FBXO11: variants seen among roughly 807,000 people sequenced by gnomAD.
FBXO11 encodes the protein F-box protein 11, also known as F-box only protein 11.
FBXO11 carries 13 observed loss-of-function variants against 117.0 expected under a neutral mutation model. The ratio of observed to expected loss-of-function variants is 0.11; its 90% CI spans 0.07 to 0.18. The LOEUF is 0.18. Ranked by LOEUF, FBXO11 falls within the 10% of genes least tolerant of loss-of-function variation. The pLI is 1.00. For synonymous variants in FBXO11, 490 were observed against 380.5 expected (o/e 1.29, Z -3.35); for missense variants, 767 against 1,164.4 (o/e 0.66, Z 4.97).
intron 1 of FBXO11, among the ~76,000 whole-genome samples, chr2:47,840,022 C>A (rs1234040976): frequency 6.6e-6 from 1 of 152,022 alleles, no homozygotes; most frequent in Admixed American, 6.5e-5. Flanking sequence ...CGGCTCACTG[C>A]AAGCTCCGCC....
At chr2:47,898,060 T>C (rs1425831333) in intron 1 of FBXO11, among the ~76,000 whole-genome samples, 3 of 152,192 alleles carry the variant, frequency 2.0e-5, no homozygotes, top group Non-Finnish European at 4.4e-5. Flanking sequence ...TGATCTTCAT[T>C]TGTTAAAAAG....
chr2:47,859,767 C>A (rs951130278), intron 1 of FBXO11, among the ~76,000 whole-genome samples: 1 of 152,042 alleles, frequency 6.6e-6, no homozygotes, highest in Admixed American at 6.6e-5. Context: ...TCTTTTAAGA[C>A]AAGGATATTC....
chr2:47,851,251 G>C (rs1394510992), intron 1 of FBXO11, among the ~76,000 whole-genome samples: 1 of 152,086 alleles, frequency 6.6e-6, no homozygotes, highest in East Asian at 1.9e-4. Context: ...TTTTGAGACA[G>C]AGTCTCATTC....
chr2:47,819,066 G>C lies in FBXO11; in HGVS notation c.1810C>G (p.Gln604Glu). 1 of 1,612,518 alleles carries C rather than the reference G, an allele frequency of 6.2e-7. No individual in the cohort carries two copies. The highest frequency in any genetic ancestry group is 8.5e-7 in the Non-Finnish European group (1 of 1,179,420). ...ACTTCATTCTCTTCTATTACTCCTTGTCCCTTTTCATGCTAAATGAAAGTT... is the reference window on the plus strand; with the variant it reads ...ACTTCATTCTCTTCTATTACTCCTTCTCCCTTTTCATGCTAAATGAAAGTT... ...HGGIYVHEKG[Q>E]GVIEENEVYS... Residue 604 changes from glutamine (Q) to glutamate (E), a missense_variant, in exon 15 of 23, where the codon CAA (glutamine) becomes GAA (glutamate). Gln to Glu is a conservative substitution (Grantham distance 29). Coordinates refer to ENST00000403359, the MANE Select transcript of FBXO11 (RefSeq NM_001190274.2).
At chr2:47,902,810 G>A (rs143843695) in intron 1 of FBXO11, among the ~76,000 whole-genome samples, 2 of 151,572 alleles carry the variant, frequency 1.3e-5, no homozygotes, top group East Asian at 1.9e-4. Flanking sequence ...TCAAAACAGC[G>A]AGTCTCACTT....
At chr2:47,813,695 A>G (rs1344403931) in intron 17 of FBXO11, 96 bp downstream of exon 17, 11 of 994,278 alleles carry the variant, frequency 1.1e-5, no homozygotes, top group Non-Finnish European at 1.7e-5. Context: ...GGCCTCCCAA[A>G]GTGCTGGGAT....
chr2:47,836,659 A>C (rs2104838146), intron 4 of FBXO11, among the ~76,000 whole-genome samples: 1 of 152,182 alleles, frequency 6.6e-6, no homozygotes, highest in Middle Eastern at 3.4e-3. Context: ...GTAACTGCGT[A>C]TGAAAATTTG....
intron 1 of FBXO11, among the ~76,000 whole-genome samples, chr2:47,867,536 G>A (rs994466660): frequency 6.6e-6 from 1 of 152,184 alleles, no homozygotes; most frequent in Non-Finnish European, 1.5e-5. Context: ...CAGTATAAAT[G>A]ATTACTGTAA....
At chr2:47,855,357 G>GT (rs1674204673) in intron 1 of FBXO11, among the ~76,000 whole-genome samples, 2 of 151,936 alleles carry the variant, frequency 1.3e-5, no homozygotes, top group African/African-American at 4.8e-5. Context: ...GCGCACATTT[G>GT]TTTTTTGCAG....
At chr2:47,825,532 G>A (rs996361187) in intron 11 of FBXO11, among the ~76,000 whole-genome samples, 1 of 147,784 alleles carries the variant, frequency 6.8e-6, no homozygotes, top group African/African-American at 2.5e-5. Context: ...TCTCTGCCAA[G>A]AGTTGAATGA....
chr2:47,871,625 A>G (rs1261771406), intron 1 of FBXO11, among the ~76,000 whole-genome samples: 1 of 152,210 alleles, frequency 6.6e-6, no homozygotes, highest in Non-Finnish European at 1.5e-5. Context: ...TTCATTCCAT[A>G]AACCGCCTAT....
intron 11 of FBXO11, among the ~76,000 whole-genome samples, chr2:47,824,309 G>C (rs1671589529): frequency 6.6e-6 from 1 of 152,102 alleles, no homozygotes; most frequent in Non-Finnish European, 1.5e-5. Context: ...GTAACAGTGA[G>C]ACGTCGTCTC....
intron 1 of FBXO11, among the ~76,000 whole-genome samples, chr2:47,877,468 C>G (rs374462485): frequency 6.6e-6 from 1 of 152,144 alleles, no homozygotes; most frequent in African/African-American, 2.4e-5. Flanking sequence ...TGTATCAGTA[C>G]ACAGAAAACA....
chr2:47,811,627 C>A (rs1572761219), intron 18 of FBXO11: 1 of 152,220 alleles, frequency 6.6e-6, no homozygotes, highest in Non-Finnish European at 1.5e-5. Context: ...TGTTTAAAAA[C>A]TGACCTTACT....
chr2:47,813,643 G>C, intron 17 of FBXO11, 148 bp downstream of exon 17: 1 of 626,744 alleles, frequency 1.6e-6, no homozygotes, highest in East Asian at 3.0e-5. Flanking sequence ...ATGTTGGCCA[G>C]GCTGGTCTTA....
intron 17 of FBXO11, among the ~76,000 whole-genome samples, 177 bp downstream of exon 17, chr2:47,813,614 G>A (rs1273786127): frequency 6.6e-6 from 1 of 151,648 alleles, no homozygotes; most frequent in Non-Finnish European, 1.5e-5. Context: ...GTAATATTTA[G>A]TAGAGACAGG....
At chr2:47,903,500 T>A (rs530536417) in intron 1 of FBXO11, among the ~76,000 whole-genome samples, 1 of 152,118 alleles carries the variant, frequency 6.6e-6, no homozygotes, top group African/African-American at 2.4e-5. Context: ...TTACCTCACA[T>A]AGAAATGAAA....
intron 11 of FBXO11, among the ~76,000 whole-genome samples, chr2:47,831,034 A>G (rs373531986): frequency 3.9e-4 from 59 of 151,956 alleles, no homozygotes; most frequent in African/African-American, 1.4e-3. Context: ...CCTGAGCCCA[A>G]GCGATCCAAC....
intron 1 of FBXO11, among the ~76,000 whole-genome samples, chr2:47,903,119 G>T (rs1186566264): frequency 6.6e-6 from 1 of 151,920 alleles, no homozygotes; most frequent in East Asian, 1.9e-4. Flanking sequence ...ATATGAATCG[G>T]ACATTTAAAA....
Sources: gnomAD v4.1 joint callset for allele counts (sites outside exome capture counted in the v4.1 genomes callset) on GRCh38, gnomAD v4.1.1 for gene constraint, MANE v1.5 for transcripts, NCBI Gene and HGNC (gene_info 2026-07-23, HGNC 2026-07-21) for gene names.